FNBP4: variants seen among roughly 807,000 people sequenced by gnomAD.
FNBP4 encodes formin-binding protein 4.
A neutral mutation model predicts 119.3 loss-of-function variants in FNBP4; 34 were observed. The ratio of observed to expected loss-of-function variants is 0.28; its 90% CI spans 0.22 to 0.38. FNBP4 has a LOEUF of 0.38. FNBP4 is among the 10% of genes least tolerant of loss of function. The pLI, the probability that FNBP4 is intolerant of heterozygous loss-of-function variation, is 1.00. For missense variants in FNBP4, 1,112 were observed against 1,228.9 expected (o/e 0.90, Z 1.42); for synonymous variants, 462 against 430.6 (o/e 1.07, Z -0.90).
Position 47,746,080 on chromosome 11 carries a change from C to G in FNBP4, c.1221G>C (p.Leu407=). The part of the protein sequence containing the change: ...EEEEEQDTLE[L]ELVLERKKAE... ...CTTTTTTCCTTTCCAAAACTAGCTC[C>G]AGTTCAAGGGTATCTTGTTCCTCTT... The change falls in exon 7 of 17, where the codon CTG becomes CTC. Residue 407 remains leucine (L), a synonymous_variant. Coordinates refer to ENST00000263773, the MANE Select transcript of FNBP4 (RefSeq NM_015308.5). The G allele has an allele frequency of 1.3e-6, 2 of 1,593,524 alleles. No homozygotes were observed. The highest frequency in any genetic ancestry group is 1.7e-6 in the Non-Finnish European group (2 of 1,174,790).
intron 6 of FNBP4, among the ~76,000 whole-genome samples, chr11:47,749,987 A>G (rs1162233841): frequency 6.6e-6 from 1 of 152,164 alleles, no homozygotes. Context: ...AAAATAATAG[A>G]ATGATTCTAT....
chr11:47,746,156 G>A lies in FNBP4; in HGVS notation c.1145C>T (p.Pro382Leu), dbSNP rs568436607. ...QEIMLDNIED[P>L]SQEDLCSVVQ... ...AACACTGCAAAGATCCTCCTGAGAA[G>A]GGTCTTCTATATTGTCCAACATAAT... The change falls in exon 7 of 17, where the codon CCT (proline) becomes CTT (leucine). Residue 382 changes from proline to leucine, a missense_variant. Coordinates refer to ENST00000263773, the MANE Select transcript of FNBP4 (RefSeq NM_015308.5). 6 of 1,614,156 alleles carry A rather than the reference G, an allele frequency of 3.7e-6. No homozygotes were observed. The highest frequency in any genetic ancestry group is 1.1e-5 in the South Asian group (1 of 91,084).
At chr11:47,743,616 C>T (rs938627454) in intron 8 of FNBP4, among the ~76,000 whole-genome samples, 17 of 152,094 alleles carry the variant, frequency 1.1e-4, no homozygotes, top group African/African-American at 3.9e-4. Flanking sequence ...ATGATAAGGT[C>T]CTTATTACCT....
At chr11:47,729,227 G>C in intron 12 of FNBP4, 2 of 985,198 alleles carry the variant, frequency 2.0e-6, no homozygotes, top group Non-Finnish European at 2.4e-6. Context: ...TTAGTATTTT[G>C]AATGAAGAGC....
chr11:47,750,995 T>A lies in FNBP4; in HGVS notation c.827A>T (p.Asp276Val). ...AATCGTTTTCTCCTTAGAATATATGTCTGTATTTACCACAAAACTAGTTTC... is the reference window on the plus strand; with the variant it reads ...AATCGTTTTCTCCTTAGAATATATGACTGTATTTACCACAAAACTAGTTTC... ...GAETSFVVNTDIYSKEKTISV... is the reference protein window; with the variant it reads ...GAETSFVVNTVIYSKEKTISV... Residue 276 changes from aspartate (D) to valine (V), a missense_variant, in exon 6 of 17, where the codon GAC (aspartate) becomes GTC (valine). Physicochemically the swap from Asp to Val is radical, Grantham distance 152. Transcript: ENST00000263773. The A allele has an allele frequency of 6.2e-7, 1 of 1,614,056 alleles. No individual in the cohort carries two copies. The highest frequency in any genetic ancestry group is 1.1e-5 in the South Asian group (1 of 91,070).
At chr11:47,720,581 T>A (rs938377328) in intron 15 of FNBP4, among the ~76,000 whole-genome samples, 41 of 150,550 alleles carry the variant, frequency 2.7e-4, no homozygotes, top group African/African-American at 9.5e-4. Flanking sequence ...AATAAATAAA[T>A]AAATAAATAA....
In FNBP4 at chr11:47,744,019, T is replaced by A; in HGVS notation, c.1390A>T (p.Ser464Cys). ...GKWKMFVRAT[S>C]PESTSRSSSK... ...GAACTCCTACTGGTAGATTCTGGACTGGTAGCTCGAACAAACATCTTCCAT... is the reference window on the plus strand; with the variant it reads ...GAACTCCTACTGGTAGATTCTGGACAGGTAGCTCGAACAAACATCTTCCAT... Residue 464 changes from serine to cysteine, a missense_variant, in exon 8 of 17, where the codon AGT (serine) becomes TGT (cysteine). Physicochemically the swap from Ser to Cys is moderately radical, Grantham distance 112 (BLOSUM62 -1). Transcript: ENST00000263773. The A allele has an allele frequency of 6.2e-7, 1 of 1,614,200 alleles. No homozygotes were observed. Among genetic ancestry groups the A allele is most frequent in the Non-Finnish European group, 8.5e-7 (1 of 1,180,030 alleles).
At chr11:47,752,779 A>G in intron 4 of FNBP4, 137 bp downstream of exon 4, 2 of 774,632 alleles carry the variant, frequency 2.6e-6, no homozygotes, top group Non-Finnish European at 2.0e-6. Context: ...GCGCCAGTGC[A>G]CTCCAGCCTG....
At chr11:47,753,235 G>T in intron 3 of FNBP4, 133 bp from the exon 4 acceptor site, 1 of 614,870 alleles carries the variant, frequency 1.6e-6, no homozygotes, top group Non-Finnish European at 2.7e-6. Flanking sequence ...AGCACTTTGG[G>T]AGGCTGAGAC....
intron 4 of FNBP4, 82 bp from the exon 5 acceptor site, chr11:47,751,372 C>T (rs1029255501): frequency 3.6e-5 from 55 of 1,511,358 alleles, no homozygotes; most frequent in Non-Finnish European, 4.7e-5. Flanking sequence ...AATCACCTAA[C>T]AGTTTCTCAA....
At chr11:47,718,125 TAG>T (rs1259608308) in intron 16 of FNBP4, among the ~76,000 whole-genome samples, 6 of 152,006 alleles carry the variant, frequency 3.9e-5, no homozygotes, top group Admixed American at 3.9e-4. Flanking sequence ...CACGTTCTAT[TAG>T]AGTTTTTCTT....
intron 8 of FNBP4, among the ~76,000 whole-genome samples, chr11:47,737,619 T>C (rs866017760): frequency 4.0e-5 from 6 of 151,762 alleles, no homozygotes; most frequent in South Asian, 4.2e-4. Flanking sequence ...TTTGTATTTT[T>C]AGTAGAGATG....
At chr11:47,751,331 A>C (rs1479230093) in intron 4 of FNBP4, 41 bp from the exon 5 acceptor site, 1 of 1,610,824 alleles carries the variant, frequency 6.2e-7, no homozygotes, top group African/African-American at 1.3e-5. Context: ...TCCCTCTACA[A>C]TTCTGGCTTA....
At chr11:47,765,577 G>A (rs1265028695) in intron 1 of FNBP4, among the ~76,000 whole-genome samples, 2 of 108,818 alleles carry the variant, frequency 1.8e-5, no homozygotes, top group African/African-American at 4.3e-5. Context: ...CGGGGGGGGG[G>A]GGGGGCCACT....
chr11:47,747,504 A>G (rs777515323), intron 6 of FNBP4, among the ~76,000 whole-genome samples: 8 of 151,734 alleles, frequency 5.3e-5, no homozygotes, highest in Non-Finnish European at 8.8e-5. Flanking sequence ...ACAGGGTTTT[A>G]CCAGGTTGGC....
intron 2 of FNBP4, among the ~76,000 whole-genome samples, chr11:47,759,723 C>T (rs1399027123): frequency 1.3e-5 from 2 of 151,892 alleles, no homozygotes; most frequent in Admixed American, 1.3e-4. Context: ...GAGGCCAAGG[C>T]GGGTGGATCA....
At chr11:47,757,644 CCA>C (rs1454642922) in intron 2 of FNBP4, among the ~76,000 whole-genome samples, 2 of 151,984 alleles carry the variant, frequency 1.3e-5, no homozygotes, top group African/African-American at 4.8e-5. Flanking sequence ...CAGGTGTGCA[CCA>C]CCACACCTGG....
intron 2 of FNBP4, among the ~76,000 whole-genome samples, chr11:47,757,252 G>A (rs1014644244): frequency 1.3e-5 from 2 of 152,090 alleles, no homozygotes; most frequent in Admixed American, 6.6e-5. Flanking sequence ...ATGGAGTCTC[G>A]CTCTGTCCCC....
chr11:47,724,663 G>A lies in FNBP4; in HGVS notation c.2124C>T (p.Pro708=). 6.2e-7 allele frequency: 1 copy of A among 1,614,130 alleles called. No individual in the cohort carries two copies. Among genetic ancestry groups the A allele is most frequent in the Non-Finnish European group, 8.5e-7 (1 of 1,180,014 alleles). The change falls in exon 13 of 17, where the codon CCC becomes CCT. Residue 708 remains proline, a synonymous_variant. Coordinates refer to ENST00000263773, the MANE Select transcript of FNBP4 (RefSeq NM_015308.5). The part of the protein sequence containing the change: ...SNVPVLQPPL[P]LEMPPPPPPP... Reference sequence around the variant, plus strand: ...GAGGTGGGGGTGGTGGCATTTCCAAGGGTAATGGAGGTTGAAGCACAGGAA... The same window carrying A: ...GAGGTGGGGGTGGTGGCATTTCCAAAGGTAATGGAGGTTGAAGCACAGGAA...
Sources: gnomAD v4.1 joint callset for allele counts (sites outside exome capture counted in the v4.1 genomes callset) on GRCh38, gnomAD v4.1.1 for gene constraint, MANE v1.5 for transcripts, NCBI Gene and HGNC (gene_info 2026-07-23, HGNC 2026-07-21) for gene names.